Variants in PCDHGB1 observed in about 807,000 individuals in gnomAD.
PCDHGB1 encodes the protein protocadherin gamma subfamily B, 1.
Under a neutral mutation model 56.6 loss-of-function variants are expected in PCDHGB1, and 34 were observed. The observed-to-expected ratio is 0.60, with a 90% CI of 0.46 to 0.80. The LOEUF is 0.80. Among genes scored for constraint, PCDHGB1 ranks in the 30% least tolerant of loss-of-function variants. The pLI, the probability that PCDHGB1 is intolerant of heterozygous loss-of-function variation, is 0.00. For missense variants in PCDHGB1, 1,278 were observed against 1,204.6 expected, an observed-to-expected ratio of 1.06 and a Z score of -0.90; for synonymous variants, 561 against 505.9, an observed-to-expected ratio of 1.11 and a Z score of -1.46.
At chr5:141,355,309 G>C (rs764402775) in intron 1 of PCDHGB1, 1 of 1,613,956 alleles carries the variant, frequency 6.2e-7, no homozygotes, top group Middle Eastern at 1.7e-4. Context: ...CTCGGTGTTT[G>C]AGGAGCAGGA....
chr5:141,393,630 A>T (rs1298038670), intron 1 of PCDHGB1: 7 of 1,613,976 alleles, frequency 4.3e-6, no homozygotes, highest in Non-Finnish European at 5.9e-6. Flanking sequence ...GGATGAGGGA[A>T]TCAACGGAAA....
At chr5:141,380,730 T>C (rs1776691792) in intron 1 of PCDHGB1, among the ~76,000 whole-genome samples, 2 of 152,250 alleles carry the variant, frequency 1.3e-5, no homozygotes, top group Non-Finnish European at 2.9e-5. Context: ...CTTATTTCCT[T>C]TTCTCCAAAG....
At position 141,352,451 on chromosome 5, in the gene PCDHGB1, T is replaced by C. The variant is rs1370878930; in HGVS notation, c.2191T>C (p.Ser731Pro). 1.2e-6 allele frequency: 2 copies of C among 1,614,028 alleles called. No individual in the cohort carries two copies. The highest frequency in any genetic ancestry group is 2.2e-5 in the South Asian group (2 of 91,086). Residue 731 changes from serine (S) to proline (P), a missense_variant, in exon 1 of 4, where the codon TCT (serine) becomes CCT (proline). Physicochemically the swap from Ser to Pro is moderately conservative, Grantham distance 74 (BLOSUM62 -1). Transcript: ENST00000523390. ...CTTTCAAACCGGTCTCTGCTCCAAG[T>C]CTGGGCCCGGGGTTCCTCCCAACCA... ...GCFQTGLCSK[S>P]GPGVPPNHSE...
At position 141,432,065 on chromosome 5, in the gene PCDHGB1, AC is replaced by A; in HGVS notation, c.2410-62741del. 1.2e-6 allele frequency: 2 copies of A among 1,614,048 alleles called. No homozygotes were observed. The highest frequency in any genetic ancestry group is 1.7e-6 in the Non-Finnish European group (2 of 1,180,006). On this transcript the variant is annotated intron_variant, in intron 1 of 3. Transcript: ENST00000523390. The surrounding 1 kb of genome is among the most constrained non-coding windows in gnomAD (Gnocchi z 6.0). ...GGGAACCCCGCCCCTATCCACGGAA[AC>A]TCATATCTCGCTGAACGTGGCAGAC...
chr5:141,380,114 G>T (rs1776224365), intron 1 of PCDHGB1, among the ~76,000 whole-genome samples: 1 of 151,828 alleles, frequency 6.6e-6, no homozygotes, highest in Non-Finnish European at 1.5e-5. Context: ...TGGCCAGGCT[G>T]GTCTCAAACT....
At chr5:141,371,686 C>A (rs377384867) in intron 1 of PCDHGB1, 4 of 1,613,910 alleles carry the variant, frequency 2.5e-6, no homozygotes, top group Non-Finnish European at 3.4e-6. Flanking sequence ...GGCAATCCAC[C>A]GCTCTCCTCC....
intron 1 of PCDHGB1, chr5:141,370,690 A>C: frequency 1.2e-6 from 2 of 1,613,828 alleles, no homozygotes; most frequent in African/African-American, 2.7e-5. Flanking sequence ...TGTGGCAAGA[A>C]GTCGACGTGT....
At chr5:141,399,663 G>T (rs766997364) in intron 1 of PCDHGB1, 4 of 1,613,506 alleles carry the variant, frequency 2.5e-6, no homozygotes, top group Admixed American at 3.3e-5. Context: ...TGGTGTTCGC[G>T]CAGCGCGCCT....
chr5:141,393,373 A>G lies in PCDHGB1; in HGVS notation c.2409+40704A>G, dbSNP rs1364997808. 1 of 1,613,956 alleles carries G rather than the reference A, an allele frequency of 6.2e-7. No homozygotes were observed. The highest frequency in any genetic ancestry group is 1.3e-5 in the African/African-American group (1 of 75,054). On this transcript the variant is annotated intron_variant, in intron 1 of 3. Transcript: ENST00000523390. ...TCCCTGGACGTGCAGACTGGAGACA[A>G]TGGAGCCATAAACCCAGAGCTGGTG...
intron 1 of PCDHGB1, chr5:141,360,392 T>C: frequency 6.2e-7 from 1 of 1,613,906 alleles, no homozygotes; most frequent in South Asian, 1.1e-5. Flanking sequence ...GACTTACTTG[T>C]GAGTGACAGA....
At chr5:141,430,743 T>C in intron 1 of PCDHGB1, 1 of 1,498,372 alleles carries the variant, frequency 6.7e-7, no homozygotes, top group Non-Finnish European at 8.9e-7. Flanking sequence ...TGAAAATAAT[T>C]CTGGAGGAAG....
At chr5:141,496,583 C>A (rs990137003) in intron 2 of PCDHGB1, among the ~76,000 whole-genome samples, 1 of 152,168 alleles carries the variant, frequency 6.6e-6, no homozygotes, top group African/African-American at 2.4e-5. Flanking sequence ...TTTAGGAACG[C>A]AAAGCGCTTC....
rs192201180 is a variant in PCDHGB1 at position 141,364,242 on chromosome 5, G to A, written c.2409+11573G>A. On this transcript the variant is annotated intron_variant, in intron 1 of 3. Transcript: ENST00000523390. ...AAGCCAACGCTCCACGCCCATTTTC[G>A]TCAGGGAATATGTACCCATCGGCTT... 8 of 1,451,338 alleles carry A rather than the reference G, an allele frequency of 5.5e-6. No homozygotes were observed. The East Asian group carries it at 7.2e-5, about 13-fold the overall frequency. 89.9% of individuals were successfully genotyped at this position (1,451,338 alleles called of 1,614,324 possible).
intron 1 of PCDHGB1, among the ~76,000 whole-genome samples, chr5:141,382,409 G>A (rs1360537214): frequency 6.6e-6 from 1 of 152,188 alleles, no homozygotes; most frequent in Non-Finnish European, 1.5e-5. Context: ...GCAATAACGT[G>A]TGAGTCAGTG....
chr5:141,510,398 G>A (rs2099880972), intron 3 of PCDHGB1, among the ~76,000 whole-genome samples: 1 of 152,064 alleles, frequency 6.6e-6, no homozygotes, highest in African/African-American at 2.4e-5. Flanking sequence ...CTTGGCAAAG[G>A]CTAGGGGCAT....
intron 2 of PCDHGB1, among the ~76,000 whole-genome samples, chr5:141,498,945 G>C (rs1421135706): frequency 8.0e-6 from 1 of 125,434 alleles, no homozygotes; most frequent in Non-Finnish European, 1.6e-5. Context: ...AAGAAAGAAA[G>C]AAAAAGAGAG....
intron 1 of PCDHGB1, chr5:141,399,577 T>C: frequency 1.2e-6 from 2 of 1,613,972 alleles, no homozygotes; most frequent in Non-Finnish European, 1.7e-6. Context: ...CGGCCAAGTC[T>C]CCTACTCTAT....
At chr5:141,374,884 C>A in intron 1 of PCDHGB1, 3 of 1,613,714 alleles carry the variant, frequency 1.9e-6, no homozygotes, top group Non-Finnish European at 1.7e-6. Context: ...TGACTGCCAC[C>A]GACCAGGATG....
chr5:141,374,507 A>T, intron 1 of PCDHGB1: 1 of 1,611,446 alleles, frequency 6.2e-7, no homozygotes. Flanking sequence ...GGAAGTGAAA[A>T]TTCTCGAAAA....
Sources: allele counts gnomAD v4.1 joint callset (sites outside exome capture counted in the v4.1 genomes callset), GRCh38; gene constraint gnomAD v4.1.1; non-coding constraint Gnocchi (gnomAD v3.1); transcripts MANE v1.5; gene names NCBI Gene and HGNC (gene_info 2026-07-23, HGNC 2026-07-21).